STAU2: variants seen among roughly 807,000 people sequenced by gnomAD.
STAU2 encodes the protein double-stranded RNA-binding protein Staufen homolog 2.
STAU2 carries 20 observed loss-of-function variants against 65.9 expected under a neutral mutation model. That is an observed-to-expected ratio of 0.30 (90% confidence interval 0.21 to 0.44). STAU2 has a LOEUF of 0.44. Ranked by LOEUF, STAU2 falls within the 20% of genes least tolerant of loss-of-function variation. STAU2 has a pLI of 1.00. For synonymous variants in STAU2, 232 were observed against 233.9 expected (o/e 0.99, Z 0.07); for missense variants, 558 against 683.9 (o/e 0.82, Z 2.05).
At chr8:73,595,637 T>C (rs1223444836) in intron 10 of STAU2, among the ~76,000 whole-genome samples, 1 of 152,190 alleles carries the variant, frequency 6.6e-6, no homozygotes, top group African/African-American at 2.4e-5. Context: ...TCATGTTGGT[T>C]ATGACTACAT....
intron 13 of STAU2, among the ~76,000 whole-genome samples, chr8:73,464,508 G>C (rs536440062): frequency 6.6e-6 from 1 of 152,280 alleles, no homozygotes; most frequent in South Asian, 2.1e-4. Flanking sequence ...AAAGGAGGCA[G>C]CTCCATATAA....
intron 9 of STAU2, among the ~76,000 whole-genome samples, chr8:73,609,966 T>A (rs1350398875): frequency 6.6e-6 from 1 of 152,148 alleles, no homozygotes; most frequent in Non-Finnish European, 1.5e-5. Flanking sequence ...TAGATAATGA[T>A]GGAGTTCAGT....
chr8:73,732,050 G>C (rs1408517640), intron 3 of STAU2, among the ~76,000 whole-genome samples: 1 of 152,238 alleles, frequency 6.6e-6, no homozygotes, highest in Non-Finnish European at 1.5e-5. Flanking sequence ...TCTGGCTCAG[G>C]ATCTCTCATG....
chr8:73,451,569 C>T (rs2128895295), intron 13 of STAU2, among the ~76,000 whole-genome samples: 1 of 151,628 alleles, frequency 6.6e-6, no homozygotes, highest in East Asian at 1.9e-4. Flanking sequence ...GGCTACCCAC[C>T]CCCCGCAACT....
At chr8:73,527,747 G>T in intron 13 of STAU2, 1 of 1,536,604 alleles carries the variant, frequency 6.5e-7, no homozygotes, top group Non-Finnish European at 8.7e-7. Context: ...ATCTGCACAG[G>T]GGCTAATGTC....
At chr8:73,588,171 C>G (rs1338160047) in intron 11 of STAU2, among the ~76,000 whole-genome samples, 1 of 152,098 alleles carries the variant, frequency 6.6e-6, no homozygotes, top group Non-Finnish European at 1.5e-5. Flanking sequence ...TTTCTTGAAC[C>G]CTTTAGAGAC....
intron 13 of STAU2, among the ~76,000 whole-genome samples, chr8:73,474,107 G>A (rs1340986163): frequency 6.6e-6 from 1 of 151,952 alleles, no homozygotes; most frequent in Admixed American, 6.6e-5. Flanking sequence ...TTAATAATTT[G>A]CTGTGGTATG....
At chr8:73,700,072 A>C (rs182040548) in intron 4 of STAU2, among the ~76,000 whole-genome samples, 1 of 152,040 alleles carries the variant, frequency 6.6e-6, no homozygotes, top group Non-Finnish European at 1.5e-5. Flanking sequence ...AAGGACAAAA[A>C]CCATACATTT....
chr8:73,571,721 C>A (rs1197792312), intron 12 of STAU2, among the ~76,000 whole-genome samples: 1 of 152,084 alleles, frequency 6.6e-6, no homozygotes. Flanking sequence ...CACAACATAC[C>A]AGAATCTCTG....
At chr8:73,622,123 ATT>A (rs71269924) in intron 6 of STAU2, among the ~76,000 whole-genome samples, 6 of 25,202 alleles carry the variant, frequency 2.4e-4, no homozygotes, top group African/African-American at 4.7e-4. Context: ...TGCCCAGCTA[ATT>A]TTTTTTTTTT....
intron 13 of STAU2, among the ~76,000 whole-genome samples, chr8:73,522,202 C>T (rs1417470814): frequency 6.6e-6 from 1 of 152,116 alleles, no homozygotes; most frequent in Admixed American, 6.5e-5. Context: ...AAGTTTATGA[C>T]TTTGGGGCTG....
intron 3 of STAU2, among the ~76,000 whole-genome samples, chr8:73,727,187 AC>A (rs1218203646): frequency 6.6e-6 from 1 of 152,170 alleles, no homozygotes; most frequent in Non-Finnish European, 1.5e-5. Context: ...CTGAGATCAC[AC>A]CACTGCACTC....
At chr8:73,637,500 A>G (rs1290450847) in intron 6 of STAU2, among the ~76,000 whole-genome samples, 4 of 141,718 alleles carry the variant, frequency 2.8e-5, no homozygotes, top group African/African-American at 7.9e-5. Flanking sequence ...AAAAAAAAAA[A>G]AAAAAGAAAA....
chr8:73,459,764 GC>G (rs1464321667), intron 13 of STAU2, among the ~76,000 whole-genome samples: 1 of 152,166 alleles, frequency 6.6e-6, no homozygotes, highest in African/African-American at 2.4e-5. Context: ...GTTACTAAGG[GC>G]CCTGGTATGC....
rs773295583 is a variant in STAU2, at chr8:73,420,930, T to C, written c.*442A>G. The C allele has an allele frequency of 1.6e-4, 26 of 160,588 alleles. No individual in the cohort carries two copies. Among genetic ancestry groups the C allele is most frequent in the African/African-American group, 5.3e-4 (22 of 41,578 alleles). The allele number at this position is 160,588 out of a possible 1,614,324, so 9.9% of individuals were successfully genotyped here. A position where few individuals can be genotyped will look rare whatever the true frequency, so the allele number is the denominator to read the frequency against. ...AACCATCACATTCCACAGCACATCATTGGTTCATTTTCGAATTGTCAAGCA... is the reference window on the plus strand; with the variant it reads ...AACCATCACATTCCACAGCACATCACTGGTTCATTTTCGAATTGTCAAGCA... On this transcript the variant is annotated 3_prime_UTR_variant, in exon 15 of 15. Transcript: ENST00000524300.
At chr8:73,442,480 G>A (rs1277901101) in intron 13 of STAU2, among the ~76,000 whole-genome samples, 2 of 151,812 alleles carry the variant, frequency 1.3e-5, no homozygotes, top group African/African-American at 2.4e-5. Flanking sequence ...TTAACCATAC[G>A]AAGAGATTTA....
chr8:73,539,381 A>G (rs1195407065), intron 13 of STAU2, among the ~76,000 whole-genome samples: 1 of 152,216 alleles, frequency 6.6e-6, no homozygotes, highest in African/African-American at 2.4e-5. Flanking sequence ...ATGTAAAGGA[A>G]AATACATCTG....
chr8:73,608,252 G>C (rs1248417153), intron 9 of STAU2, among the ~76,000 whole-genome samples: 3 of 152,128 alleles, frequency 2.0e-5, no homozygotes, highest in African/African-American at 7.2e-5. Context: ...GTTAATAGAT[G>C]TCTGTGAGTT....
At chr8:73,543,733 T>C (rs1202863956) in intron 13 of STAU2, among the ~76,000 whole-genome samples, 1 of 152,196 alleles carries the variant, frequency 6.6e-6, no homozygotes, top group Admixed American at 6.5e-5. Flanking sequence ...CCATGGCAGG[T>C]GCTCAATACA....
Sources: allele counts gnomAD v4.1 joint callset (sites outside exome capture counted in the v4.1 genomes callset), GRCh38; gene constraint gnomAD v4.1.1; transcripts MANE v1.5; gene names NCBI Gene and HGNC (gene_info 2026-07-23, HGNC 2026-07-21).